ITGA8: variants seen among roughly 807,000 people sequenced by gnomAD.
The protein encoded by ITGA8 is integrin alpha-8.
Under a neutral mutation model 142.3 loss-of-function variants are expected in ITGA8, and 91 were observed. That is an observed-to-expected ratio of 0.64 (90% CI 0.54 to 0.76). ITGA8 has a LOEUF of 0.76. ITGA8 is among the 30% of genes least tolerant of loss of function. The probability of loss-of-function intolerance (pLI) is 0.00; values close to 1 mark genes in which losing one functional copy is unlikely to be tolerated. For synonymous variants in ITGA8, 505 were observed against 485.2 expected, an observed-to-expected ratio of 1.04 and a Z score of -0.54; for missense variants, 1,406 against 1,327.7, an observed-to-expected ratio of 1.06 and a Z score of -0.92.
intron 13 of ITGA8, among the ~76,000 whole-genome samples, chr10:15,619,577 C>G (rs1278588424): frequency 6.6e-6 from 1 of 152,158 alleles, no homozygotes; most frequent in Non-Finnish European, 1.5e-5. Flanking sequence ...ATCTCTGAAG[C>G]CAGATGCCGA....
intron 20 of ITGA8, among the ~76,000 whole-genome samples, chr10:15,601,024 G>T (rs1833095046): frequency 6.6e-6 from 1 of 152,148 alleles, no homozygotes; most frequent in African/African-American, 2.4e-5. Flanking sequence ...GGGATCACTT[G>T]AGGTCAGGAG....
chr10:15,634,665 C>T (rs1043330414), intron 13 of ITGA8, among the ~76,000 whole-genome samples: 1 of 152,134 alleles, frequency 6.6e-6, no homozygotes, highest in Admixed American at 6.6e-5. Flanking sequence ...ATCATATAAT[C>T]AGCACATATT....
intron 27 of ITGA8, among the ~76,000 whole-genome samples, chr10:15,536,755 G>T (rs1176056666): frequency 6.6e-6 from 1 of 152,132 alleles, no homozygotes. Context: ...ATGGTTTGTA[G>T]CTCACTGGCT....
In ITGA8 at chr10:15,513,972, A is replaced by G. The variant is rs1832918582; in HGVS notation, c.*3186T>C. On this transcript the variant is annotated 3_prime_UTR_variant, in exon 30 of 30. Coordinates refer to ENST00000378076, the MANE Select transcript of ITGA8 (RefSeq NM_003638.3). ...CATCAAGTCTTTCAGTTTTAATTTT[A>G]TTAGTGACAAGGTAAATAGGTACAT... 1 of 152,216 alleles carries G rather than the reference A, an allele frequency of 6.6e-6. No individual in the cohort carries two copies. Among genetic ancestry groups the G allele is most frequent in the Non-Finnish European group, 1.5e-5 (1 of 68,036 alleles). 9.4% of individuals were successfully genotyped at this position (152,216 alleles called of 1,614,324 possible).
At chr10:15,614,060 G>A (rs369256863) in intron 14 of ITGA8, among the ~76,000 whole-genome samples, 3 of 152,150 alleles carry the variant, frequency 2.0e-5, no homozygotes, top group African/African-American at 4.8e-5. Flanking sequence ...GTGGGCCTCC[G>A]GTATTATGGC....
chr10:15,660,975 A>G, intron 8 of ITGA8, 53 bp from the exon 9 acceptor site: 1 of 1,408,838 alleles, frequency 7.1e-7, no homozygotes. Flanking sequence ...ACACAAACAC[A>G]CACACACACG....
intron 9 of ITGA8, among the ~76,000 whole-genome samples, chr10:15,659,899 C>T (rs533089355): frequency 5.7e-4 from 87 of 152,164 alleles, no homozygotes; most frequent in Non-Finnish European, 9.8e-4. Flanking sequence ...CATAGATGCT[C>T]TGGTGAGAAT....
chr10:15,594,642 T>A (rs963391241), intron 21 of ITGA8, among the ~76,000 whole-genome samples: 1 of 151,766 alleles, frequency 6.6e-6, no homozygotes, highest in African/African-American at 2.4e-5. Context: ...ACTAGCTGAG[T>A]GTGGTGGTGA....
At chr10:15,586,785 A>C in intron 22 of ITGA8, 121 bp from the exon 23 acceptor site, 1 of 591,398 alleles carries the variant, frequency 1.7e-6, no homozygotes, top group Non-Finnish European at 3.1e-6. Context: ...ATCATTCAGG[A>C]TACAAGTGTA....
rs868569476 is a variant in ITGA8 at position 15,694,217 on chromosome 10, C to T, written c.344-6179G>A. On this transcript the variant is annotated intron_variant, in intron 2 of 29. Coordinates refer to ENST00000378076, the MANE Select transcript of ITGA8 (RefSeq NM_003638.3). Reference sequence around the variant, plus strand: ...TGATAATATATCATATATATGATAACATATCATATATATGATAATATATCA... The same window carrying T: ...TGATAATATATCATATATATGATAATATATCATATATATGATAATATATCA... Among the ~76,000 whole-genome samples, 1,143 of 130,656 alleles carry T rather than the reference C, an allele frequency of 8.7e-3. 21 individuals are homozygous for T. Among genetic ancestry groups the T allele is most frequent in the African/African-American group, 0.033 (1,075 of 32,304 alleles). 85.7% of individuals were successfully genotyped at this position (130,656 alleles called of 152,430 possible).
chr10:15,691,011 G>A (rs1385028130), intron 2 of ITGA8, among the ~76,000 whole-genome samples: 1 of 152,116 alleles, frequency 6.6e-6, no homozygotes, highest in Admixed American at 6.6e-5. Flanking sequence ...CAAATCACCT[G>A]ATTAAAAATT....
At chr10:15,660,004 A>G (rs2131670734) in intron 9 of ITGA8, among the ~76,000 whole-genome samples, 1 of 152,362 alleles carries the variant, frequency 6.6e-6, no homozygotes, top group East Asian at 1.9e-4. Context: ...TTGTGATTCT[A>G]TGTTATAGCA....
chr10:15,519,875 A>T (rs569541849), intron 28 of ITGA8, among the ~76,000 whole-genome samples: 2 of 152,200 alleles, frequency 1.3e-5, no homozygotes, highest in Non-Finnish European at 2.9e-5. Flanking sequence ...AGAAGGGTAG[A>T]AATCTCTAAT....
intron 5 of ITGA8, 114 bp downstream of exon 5, chr10:15,678,608 C>A: frequency 2.8e-6 from 2 of 712,354 alleles, no homozygotes; most frequent in Non-Finnish European, 4.9e-6. Flanking sequence ...GTATGTTCCT[C>A]AAGATTCTTT....
At chr10:15,623,996 T>C (rs747657980) in intron 13 of ITGA8, among the ~76,000 whole-genome samples, 51 of 152,164 alleles carry the variant, frequency 3.4e-4, no homozygotes, top group Non-Finnish European at 4.0e-4. Flanking sequence ...TCATCCACAA[T>C]GTTGTGTGTT....
At position 15,579,809 on chromosome 10, in the gene ITGA8, A is replaced by C. The variant is rs1299057122; in HGVS notation, c.2373-4215T>G. On this transcript the variant is annotated intron_variant, in intron 23 of 29. Transcript: ENST00000378076. ...TGACTAAGGAAGAAATCACAAAGAA[A>C]ACTAGAAAATATTTTGAGCTGAGTT... 7.2e-5 allele frequency among the ~76,000 whole-genome samples: 11 copies of C among 152,134 alleles called. No homozygotes were observed. The East Asian group carries it at 2.1e-3, about 29-fold the overall frequency.
At position 15,515,727 on chromosome 10, in the gene ITGA8, A is replaced by T. The variant is rs546065548; in HGVS notation, c.*1431T>A. 1 of 152,332 alleles carries T rather than the reference A, an allele frequency of 6.6e-6. No homozygotes were observed. Among genetic ancestry groups the T allele is most frequent in the East Asian group, 1.9e-4 (1 of 5,194 alleles). The allele number at this position is 152,332 out of a possible 1,614,324, so 9.4% of individuals were successfully genotyped here. On this transcript the variant is annotated 3_prime_UTR_variant, in exon 30 of 30. Coordinates refer to ENST00000378076, the MANE Select transcript of ITGA8 (RefSeq NM_003638.3). ...TTTTTCATTATTAAAAAAGGATACA[A>T]AATTGTGCAGACTACCTATAAATTT...
chr10:15,710,834 C>T (rs574980684), intron 2 of ITGA8, among the ~76,000 whole-genome samples: 46 of 152,260 alleles, frequency 3.0e-4, no homozygotes, highest in African/African-American at 9.4e-4. Context: ...TAGCGTGGGC[C>T]GGGTCAGGTC....
At chr10:15,613,937 G>A (rs1352121829) in intron 14 of ITGA8, among the ~76,000 whole-genome samples, 170 bp from the exon 15 acceptor site, 1 of 152,112 alleles carries the variant, frequency 6.6e-6, no homozygotes, top group Non-Finnish European at 1.5e-5. Context: ...GAACAGCTGG[G>A]TATCACACTC....
Sources: gnomAD v4.1 joint callset for allele counts (sites outside exome capture counted in the v4.1 genomes callset) on GRCh38, gnomAD v4.1.1 for gene constraint, MANE v1.5 for transcripts, NCBI Gene and HGNC (gene_info 2026-07-23, HGNC 2026-07-21) for gene names.